Variants in CACTIN observed in about 807,000 individuals in gnomAD.
CACTIN encodes splicing factor Cactin.
A neutral mutation model predicts 84.9 loss-of-function variants in CACTIN; 20 were observed. The ratio of observed to expected loss-of-function variants is 0.24; its 90% confidence interval spans 0.17 to 0.34. The LOEUF is 0.34. Among genes scored for constraint, CACTIN ranks in the 10% least tolerant of loss-of-function variants. The pLI, the probability that CACTIN is intolerant of heterozygous loss-of-function variation, is 1.00. For synonymous variants in CACTIN, 549 were observed against 467.9 expected (o/e 1.17, Z -2.24); for missense variants, 897 against 1,117.2 (o/e 0.80, Z 2.81).
chr19:3,623,255 C>T (rs1220749702), intron 2 of CACTIN, among the ~76,000 whole-genome samples: 2 of 141,016 alleles, frequency 1.4e-5, no homozygotes, highest in Non-Finnish European at 3.1e-5. Flanking sequence ...GCTGGCCGGG[C>T]GTGGTGGCTC....
In CACTIN at chr19:3,614,380, C is replaced by T. The variant is rs2033057094; in HGVS notation, c.1355+17G>A. On this transcript the variant is annotated intron_variant, in intron 7 of 9. Coordinates refer to ENST00000429344, the MANE Select transcript of CACTIN (RefSeq NM_001080543.2). Reference sequence around the variant, plus strand: ...ACCCGGACGGCACCAACCCTGGTACCCGCACCTAGTGCTCACCGGGCCCGT... The same window carrying T: ...ACCCGGACGGCACCAACCCTGGTACTCGCACCTAGTGCTCACCGGGCCCGT... The T allele has an allele frequency of 6.4e-7, 1 of 1,558,654 alleles. No homozygotes were observed. The highest frequency in any genetic ancestry group is 1.2e-5 in the South Asian group (1 of 84,808).
Sources: gnomAD v4.1 joint callset for allele counts (sites outside exome capture counted in the v4.1 genomes callset) on GRCh38, gnomAD v4.1.1 for gene constraint, MANE v1.5 for transcripts, NCBI Gene and HGNC (gene_info 2026-07-23, HGNC 2026-07-21) for gene names.